The following ZBTB7C variants were observed in gnomAD, a reference collection of about 807,000 sequenced individuals.
The protein encoded by ZBTB7C is zinc finger and BTB domain containing 7C.
In ZBTB7C, 8 loss-of-function variants were observed where a neutral mutation model predicts 25.7. The observed-to-expected ratio is 0.31, with a 90% confidence interval of 0.18 to 0.56. The LOEUF (loss-of-function observed/expected upper bound fraction) is 0.56. Ranked by LOEUF, ZBTB7C falls within the 20% of genes least tolerant of loss-of-function variation. The pLI is 0.91. For missense variants in ZBTB7C, 824 were observed against 855.2 expected (o/e 0.96, Z 0.46); for synonymous variants, 394 against 369.0 (o/e 1.07, Z -0.78).
intron 2 of ZBTB7C, among the ~76,000 whole-genome samples, chr18:48,262,268 C>T (rs1489228141): frequency 6.6e-6 from 1 of 152,194 alleles, no homozygotes; most frequent in Admixed American, 6.5e-5. Context: ...TACCCTAGCA[C>T]TTCATGCTTC....
chr18:48,192,363 G>T (rs1599071857), intron 2 of ZBTB7C, among the ~76,000 whole-genome samples: 2 of 152,314 alleles, frequency 1.3e-5, no homozygotes, highest in East Asian at 3.9e-4. Flanking sequence ...GAACTATTCT[G>T]CATGATACTG....
At chr18:48,363,674 C>T (rs1438331611) in intron 1 of ZBTB7C, among the ~76,000 whole-genome samples, 1 of 152,138 alleles carries the variant, frequency 6.6e-6, no homozygotes, top group Non-Finnish European at 1.5e-5. Flanking sequence ...ATGTCAGATG[C>T]TTTCCCGAGA....
chr18:48,367,304 GTATAGATACATATA>G (rs2047260493), intron 1 of ZBTB7C, among the ~76,000 whole-genome samples: 2 of 114,634 alleles, frequency 1.7e-5, no homozygotes, highest in Non-Finnish European at 3.5e-5. Context: ...ATACATATAT[GTATAGATACATATA>G]TGTGTGTATA....
chr18:48,204,831 C>A (rs1413520935), intron 2 of ZBTB7C, among the ~76,000 whole-genome samples: 1 of 152,194 alleles, frequency 6.6e-6, no homozygotes, highest in African/African-American at 2.4e-5. Flanking sequence ...GGAAACTCAG[C>A]CAGGAGCTCT....
intron 4 of ZBTB7C, among the ~76,000 whole-genome samples, chr18:48,039,488 A>G (rs1490709952): frequency 2.6e-5 from 4 of 152,222 alleles, no homozygotes; most frequent in Non-Finnish European, 4.4e-5. Flanking sequence ...AATATGCTTA[A>G]TAAAGGTCAG....
At chr18:48,063,147 T>C (rs2037187569) in intron 3 of ZBTB7C, among the ~76,000 whole-genome samples, 2 of 152,220 alleles carry the variant, frequency 1.3e-5, no homozygotes, top group African/African-American at 4.8e-5. Flanking sequence ...GGTTGAAGCA[T>C]TGGAAGTCCT....
chr18:48,093,973 G>A (rs987400000), intron 3 of ZBTB7C, among the ~76,000 whole-genome samples: 2 of 152,136 alleles, frequency 1.3e-5, no homozygotes, highest in African/African-American at 2.4e-5. Flanking sequence ...GCAGAAGAAT[G>A]GCGTGAACCC....
At chr18:48,082,019 G>T (rs1239736924) in intron 3 of ZBTB7C, among the ~76,000 whole-genome samples, 1 of 152,158 alleles carries the variant, frequency 6.6e-6, no homozygotes, top group African/African-American at 2.4e-5. Flanking sequence ...TTTAAAGTCA[G>T]TATGTGGCTG....
intron 2 of ZBTB7C, among the ~76,000 whole-genome samples, chr18:48,331,179 C>T (rs1449335449): frequency 6.6e-6 from 1 of 152,086 alleles, no homozygotes; most frequent in Non-Finnish European, 1.5e-5. Context: ...ACTTGTCTTC[C>T]CACCTCTGTG....
At chr18:48,187,796 G>T (rs1331339553) in intron 2 of ZBTB7C, among the ~76,000 whole-genome samples, 7 of 132,918 alleles carry the variant, frequency 5.3e-5, no homozygotes, top group African/African-American at 1.9e-4. Context: ...ACTCCAGCCT[G>T]GGCAACAGGG....
At chr18:48,389,234 CTCGTGTGTGTGTGTGT>C (rs2047833130) in intron 1 of ZBTB7C, among the ~76,000 whole-genome samples, 2 of 55,228 alleles carry the variant, frequency 3.6e-5, no homozygotes, top group African/African-American at 1.5e-4. Flanking sequence ...CTCTCTCTCT[CTCGTGTGTGTGTGTGT>C]GTGTGTGTGT....
chr18:48,389,474 T>C (rs1444972797), intron 1 of ZBTB7C, among the ~76,000 whole-genome samples: 1 of 150,074 alleles, frequency 6.7e-6, no homozygotes, highest in East Asian at 1.9e-4. Flanking sequence ...TTTTTTTTTT[T>C]TTTTTTTTGC....
chr18:48,144,230 G>A (rs2040433083), intron 3 of ZBTB7C, among the ~76,000 whole-genome samples: 1 of 151,766 alleles, frequency 6.6e-6, no homozygotes, highest in African/African-American at 2.4e-5. Flanking sequence ...AGTGAGCCAA[G>A]ATTGCACCAC....
chr18:48,382,102 G>A (rs1207354981), intron 1 of ZBTB7C, among the ~76,000 whole-genome samples: 1 of 152,222 alleles, frequency 6.6e-6, no homozygotes, highest in African/African-American at 2.4e-5. Context: ...TGGTAGGTAG[G>A]TGCAATGAAA....
intron 2 of ZBTB7C, among the ~76,000 whole-genome samples, chr18:48,192,565 G>A (rs1287565879): frequency 6.6e-6 from 1 of 152,214 alleles, no homozygotes; most frequent in East Asian, 1.9e-4. Context: ...CCGGGTTCAA[G>A]TGATTCTCCT....
At chr18:48,193,561 A>C (rs2042248670) in intron 2 of ZBTB7C, among the ~76,000 whole-genome samples, 1 of 152,208 alleles carries the variant, frequency 6.6e-6, no homozygotes, top group Non-Finnish European at 1.5e-5. Context: ...AGGTGGAAGG[A>C]ACACGCCATA....
intron 2 of ZBTB7C, among the ~76,000 whole-genome samples, chr18:48,244,963 G>T (rs754944981): frequency 5.3e-5 from 8 of 151,776 alleles, no homozygotes; most frequent in Admixed American, 1.3e-4. Context: ...CAGAGGAAAA[G>T]AAGTCATTAT....
At chr18:48,187,550 A>T (rs565014709) in intron 2 of ZBTB7C, among the ~76,000 whole-genome samples, 80 of 152,308 alleles carry the variant, frequency 5.3e-4, no homozygotes, top group Non-Finnish European at 1.0e-3. Flanking sequence ...ATGGTGGCTC[A>T]TGCTTGTAAT....
At chr18:48,275,861 G>C (rs1352551313) in intron 2 of ZBTB7C, among the ~76,000 whole-genome samples, 1 of 152,132 alleles carries the variant, frequency 6.6e-6, no homozygotes, top group Non-Finnish European at 1.5e-5. Context: ...CTGCTAAGCA[G>C]CATTACAGTG....
Sources: allele counts gnomAD v4.1 joint callset (sites outside exome capture counted in the v4.1 genomes callset), GRCh38; gene constraint gnomAD v4.1.1; transcripts MANE v1.5; gene names NCBI Gene and HGNC (gene_info 2026-07-23, HGNC 2026-07-21).